The following TFCP2 variants were observed in gnomAD, a reference collection of about 807,000 sequenced individuals.
The protein encoded by TFCP2 is transcription factor CP2.
In TFCP2, 33 loss-of-function variants were observed where a neutral mutation model predicts 73.4. The observed-to-expected ratio is 0.45, with a 90% CI of 0.34 to 0.60. The LOEUF (loss-of-function observed/expected upper bound fraction) is 0.60. Ranked by LOEUF, TFCP2 falls within the 20% of genes least tolerant of loss-of-function variation. The pLI is 0.01. For missense variants in TFCP2, 352 were observed against 604.0 expected (o/e 0.58, Z 4.37); for synonymous variants, 193 against 211.6 (o/e 0.91, Z 0.76).
intron 2 of TFCP2, 38 bp downstream of exon 2, chr12:51,118,583 G>T (rs201266179): frequency 3.1e-6 from 5 of 1,595,204 alleles, no homozygotes; most frequent in Non-Finnish European, 4.3e-6. Context: ...AAATACAGTA[G>T]GTCTGCAATA....
chr12:51,166,144 G>A (rs7980682), intron 1 of TFCP2, among the ~76,000 whole-genome samples: 6,032 of 151,750 alleles, frequency 0.04, 390 homozygotes, highest in African/African-American at 0.14. Context: ...GTGAAACCCC[G>A]TCTCTACTAA....
At chr12:51,099,062 G>T in intron 12 of TFCP2, 144 bp from the exon 13 acceptor site, 1 of 874,854 alleles carries the variant, frequency 1.1e-6, no homozygotes, top group Non-Finnish European at 1.7e-6. Flanking sequence ...ACTTGCAGCT[G>T]TGTGACCTAG....
Position 51,160,260 on chromosome 12 carries a change from C to T in TFCP2, c.122+12041G>A, listed in dbSNP as rs533157917. Among the ~76,000 whole-genome samples the T allele has an allele frequency of 3.9e-5, 6 of 151,910 alleles. No homozygotes were observed. In the East Asian group the frequency reaches 5.8e-4, roughly 15 times the overall value. On this transcript the variant is annotated intron_variant, in intron 1 of 14. Coordinates refer to ENST00000257915, the MANE Select transcript of TFCP2 (RefSeq NM_005653.5). The stretch of plus-strand genomic sequence containing the variant: ...AAGCGATTCTCCTGCCTCAGCCTCC[C>T]GAGTGGCTGGGATTACAGGTGCCCA...
intron 1 of TFCP2, among the ~76,000 whole-genome samples, chr12:51,135,906 C>G (rs1433377137): frequency 2.0e-5 from 3 of 152,112 alleles, no homozygotes; most frequent in Admixed American, 6.6e-5. Context: ...CTCAGTAAAT[C>G]CCTTCAAACC....
At chr12:51,133,398 G>A (rs1940995823) in intron 1 of TFCP2, among the ~76,000 whole-genome samples, 1 of 151,654 alleles carries the variant, frequency 6.6e-6, no homozygotes, top group Non-Finnish European at 1.5e-5. Flanking sequence ...TCAGCCTCTT[G>A]GGCTCAAGCC....
chr12:51,159,786 C>G (rs986914900), intron 1 of TFCP2, among the ~76,000 whole-genome samples: 1 of 152,134 alleles, frequency 6.6e-6, no homozygotes, highest in Non-Finnish European at 1.5e-5. Flanking sequence ...GATCCAGATT[C>G]CTCATATTTG....
At position 51,129,836 on chromosome 12, in the gene TFCP2, G is replaced by GAA. The variant is rs112522984; in HGVS notation, c.123-11065_123-11064insTT. ...AGGATAAAAATGTTCTAAAACTGGG[G>GAA]GAAAAAAAAAAGCAGCAGCAGCTTC... On this transcript the variant is annotated intron_variant, in intron 1 of 14. Transcript: ENST00000257915. 1.0e-3 allele frequency among the ~76,000 whole-genome samples: 155 copies of GAA among 149,132 alleles called. 1 individual carries two copies. Among genetic ancestry groups the GAA allele is most frequent in the Middle Eastern group, 7.0e-3 (2 of 286 alleles).
intron 1 of TFCP2, among the ~76,000 whole-genome samples, chr12:51,130,846 G>C (rs1320174856): frequency 2.6e-5 from 4 of 151,710 alleles, no homozygotes; most frequent in Admixed American, 1.3e-4. Flanking sequence ...AACTAGCCGG[G>C]CATGGTGGCA....
intron 1 of TFCP2, among the ~76,000 whole-genome samples, chr12:51,140,449 T>C (rs182300519): frequency 0.044 from 5,767 of 132,090 alleles, 166 homozygotes; most frequent in Middle Eastern, 0.11. Context: ...CTTTTTCTTT[T>C]TTTTTTTTTT....
intron 1 of TFCP2, among the ~76,000 whole-genome samples, chr12:51,152,586 G>A (rs987371857): frequency 6.6e-6 from 1 of 152,070 alleles, no homozygotes; most frequent in Non-Finnish European, 1.5e-5. Context: ...TAGGTGTTTG[G>A]GGCGCCACAT....
At chr12:51,099,633 T>C in intron 12 of TFCP2, 22 bp downstream of exon 12, 2 of 1,614,080 alleles carry the variant, frequency 1.2e-6, no homozygotes, top group Non-Finnish European at 1.7e-6. Flanking sequence ...ATATCTGTCC[T>C]AGTGTGTCCA....
chr12:51,170,816 T>C lies in TFCP2; in HGVS notation c.122+1485A>G, dbSNP rs892572318. Among the ~76,000 whole-genome samples the C allele has an allele frequency of 4.6e-5, 7 of 152,008 alleles. No individual in the cohort carries two copies. The East Asian group carries it at 1.2e-3, about 25-fold the overall frequency. On this transcript the variant is annotated intron_variant, in intron 1 of 14. Transcript: ENST00000257915. Reference sequence around the variant, plus strand: ...GCCTCAGCCTCCCAAGTAGCTGGGATTACAGGCGTGCGCCACCACACCCGT... The same window carrying C: ...GCCTCAGCCTCCCAAGTAGCTGGGACTACAGGCGTGCGCCACCACACCCGT...
intron 1 of TFCP2, among the ~76,000 whole-genome samples, chr12:51,120,213 AC>A (rs1184743897): frequency 5.3e-5 from 8 of 150,490 alleles, no homozygotes; most frequent in Admixed American, 2.0e-4. Flanking sequence ...AACAACAACA[AC>A]AACAAAAAAA....
chr12:51,104,868 C>T (rs191842774), intron 8 of TFCP2, among the ~76,000 whole-genome samples: 4 of 152,022 alleles, frequency 2.6e-5, no homozygotes, highest in African/African-American at 9.6e-5. Flanking sequence ...CCTGCCACTA[C>T]ACCCGGCTAA....
At chr12:51,105,616 C>T (rs1406273110) in intron 8 of TFCP2, among the ~76,000 whole-genome samples, 1 of 151,798 alleles carries the variant, frequency 6.6e-6, no homozygotes, top group Non-Finnish European at 1.5e-5. Context: ...GATCTTTTTC[C>T]TTTTTTAGCC....
intron 1 of TFCP2, among the ~76,000 whole-genome samples, chr12:51,162,362 C>T (rs1941666903): frequency 6.6e-6 from 1 of 151,888 alleles, no homozygotes; most frequent in Admixed American, 6.6e-5. Context: ...AGGAGACTTG[C>T]CTGAACCCAG....
intron 1 of TFCP2, among the ~76,000 whole-genome samples, chr12:51,145,551 T>C (rs1348276802): frequency 8.6e-6 from 1 of 116,278 alleles, no homozygotes; most frequent in African/African-American, 3.5e-5. Flanking sequence ...GCCTGGGTGA[T>C]GGAGTAAGAC....
At chr12:51,113,332 C>T (rs1277979156) in intron 4 of TFCP2, among the ~76,000 whole-genome samples, 2 of 152,156 alleles carry the variant, frequency 1.3e-5, no homozygotes, top group Admixed American at 6.6e-5. Context: ...GAGGCAGACA[C>T]CATGAAAAGT....
intron 1 of TFCP2, among the ~76,000 whole-genome samples, chr12:51,133,842 A>C (rs1941003456): frequency 1.3e-5 from 2 of 151,588 alleles, no homozygotes; most frequent in Non-Finnish European, 2.9e-5. Flanking sequence ...GAATCACTTG[A>C]ACTCGGGAGG....
Sources: gnomAD v4.1 joint callset for allele counts (sites outside exome capture counted in the v4.1 genomes callset) on GRCh38, gnomAD v4.1.1 for gene constraint, MANE v1.5 for transcripts, NCBI Gene and HGNC (gene_info 2026-07-23, HGNC 2026-07-21) for gene names.